The following MTA3 variants were observed in gnomAD, a reference collection of about 807,000 sequenced individuals.
The protein encoded by MTA3 is metastasis-associated protein MTA3.
In MTA3, 34 loss-of-function variants were observed where a neutral mutation model predicts 83.5. That is an observed-to-expected ratio of 0.41 (90% CI 0.31 to 0.54). The LOEUF (loss-of-function observed/expected upper bound fraction) is 0.54, where lower values mean the gene tolerates loss of function less well. Among genes scored for constraint, MTA3 ranks in the 20% least tolerant of loss-of-function variants. MTA3 has a pLI of 0.33. For missense variants in MTA3, 761 were observed against 726.4 expected (o/e 1.05, Z -0.55); for synonymous variants, 303 against 252.7 (o/e 1.20, Z -1.89).
intron 16 of MTA3, among the ~76,000 whole-genome samples, chr2:42,748,197 GTGTT>G (rs201884635): frequency 0.02 from 2,812 of 138,314 alleles, 95 homozygotes; most frequent in African/African-American, 0.077. Context: ...TCCAGCTAAT[GTGTT>G]TGTGTGTGTG....
chr2:42,655,808 G>A (rs1296910017), intron 6 of MTA3, among the ~76,000 whole-genome samples: 1 of 152,118 alleles, frequency 6.6e-6, no homozygotes. Context: ...TCTCCATATT[G>A]ACCAGGCTTG....
chr2:42,674,162 C>A (rs1369312604), intron 8 of MTA3, among the ~76,000 whole-genome samples: 1 of 152,220 alleles, frequency 6.6e-6, no homozygotes, highest in Admixed American at 6.5e-5. Flanking sequence ...CTTGTCAAGG[C>A]TCAGTTATGT....
chr2:42,718,427 G>A (rs1301254383), intron 14 of MTA3, among the ~76,000 whole-genome samples: 1 of 151,024 alleles, frequency 6.6e-6, no homozygotes, highest in Non-Finnish European at 1.5e-5. Flanking sequence ...TTGTGTTTTA[G>A]TAGAGATGGG....
At chr2:42,591,976 T>G (rs115350856) in intron 3 of MTA3, among the ~76,000 whole-genome samples, 4,402 of 151,866 alleles carry the variant, frequency 0.029, 88 homozygotes, top group Non-Finnish European at 0.044. Context: ...TAAGAAAAAT[T>G]CATTTGGCCA....
intron 2 of MTA3, among the ~76,000 whole-genome samples, chr2:42,518,298 G>C (rs1675250621): frequency 6.6e-6 from 1 of 152,134 alleles, no homozygotes; most frequent in African/African-American, 2.4e-5. Context: ...AATAAACTAA[G>C]TCTAGGACTA....
chr2:42,673,560 C>T (rs751526971), intron 8 of MTA3, among the ~76,000 whole-genome samples: 9 of 152,136 alleles, frequency 5.9e-5, no homozygotes, highest in South Asian at 4.1e-4. Context: ...CTGCATTTTA[C>T]AGGTTGGGTT....
At chr2:42,557,749 G>A (rs73930434) in intron 2 of MTA3, among the ~76,000 whole-genome samples, 79 of 152,242 alleles carry the variant, frequency 5.2e-4, no homozygotes, top group African/African-American at 1.8e-3. Context: ...AATCAAGAGT[G>A]CAAATAAACT....
At position 42,695,841 on chromosome 2, in the gene MTA3, TA is replaced by T. The variant is rs768581526; in HGVS notation, c.966+4del. On this transcript the variant is annotated splice_donor_region_variant and intron_variant, in intron 10 of 16. Coordinates refer to ENST00000405094, the MANE Select transcript of MTA3 (RefSeq NM_001330442.2). ...ACTACTGACAGATATGTGCAACAGG[TA>T]ATTTTTTTCATATTGCTACCAATAT... 115 of 1,557,096 alleles carry T rather than the reference TA, an allele frequency of 7.4e-5. No homozygotes were observed. Among genetic ancestry groups the T allele is most frequent in the Non-Finnish European group, 1.0e-4 (115 of 1,145,644 alleles).
chr2:42,597,375 C>CT (rs35943826), intron 3 of MTA3, among the ~76,000 whole-genome samples: 148 of 108,422 alleles, frequency 1.4e-3, no homozygotes, highest in Middle Eastern at 0.011. Flanking sequence ...GACAAGTTAT[C>CT]TTTTTTTTTT....
intron 2 of MTA3, among the ~76,000 whole-genome samples, chr2:42,543,647 ATTT>A (rs57792480): frequency 7.8e-5 from 9 of 115,092 alleles, no homozygotes; most frequent in Non-Finnish European, 8.8e-5. Context: ...GAGGTTACTG[ATTT>A]TTTTTTTTTT....
intron 2 of MTA3, among the ~76,000 whole-genome samples, chr2:42,538,710 A>T (rs1235971293): frequency 8.7e-6 from 1 of 115,216 alleles, no homozygotes; most frequent in South Asian, 2.5e-4. Context: ...GACTCTTTCT[A>T]AAAAAAAAAA....
intron 14 of MTA3, among the ~76,000 whole-genome samples, chr2:42,717,852 G>T (rs1021612043): frequency 6.6e-6 from 1 of 152,200 alleles, no homozygotes; most frequent in Non-Finnish European, 1.5e-5. Flanking sequence ...CAGAGATGGC[G>T]AAGTTTGTTG....
Position 42,754,107 on chromosome 2 carries a change from T to G in MTA3, c.*708T>G. The G allele has an allele frequency of 1.0e-6, 1 of 985,476 alleles. No homozygotes were observed. Among genetic ancestry groups the G allele is most frequent in the Non-Finnish European group, 1.2e-6 (1 of 829,972 alleles). 61.0% of individuals were successfully genotyped at this position (985,476 alleles called of 1,614,324 possible). On this transcript the variant is annotated 3_prime_UTR_variant, in exon 17 of 17. Transcript: ENST00000405094. ...TTTGTGGTTGGAGAGAAACTGGTGT[T>G]CTGCCCGGCTCTGCTTGGTCACAGA... is the stretch of plus-strand genomic sequence containing the variant.
intron 2 of MTA3, among the ~76,000 whole-genome samples, chr2:42,507,635 A>G (rs553146470): frequency 1.3e-5 from 2 of 151,968 alleles, no homozygotes; most frequent in African/African-American, 4.8e-5. Context: ...TGAAAAAAAA[A>G]AAGGAAAACT....
chr2:42,653,525 G>A (rs1398071581), intron 6 of MTA3, among the ~76,000 whole-genome samples: 1 of 152,170 alleles, frequency 6.6e-6, no homozygotes, highest in Admixed American at 6.5e-5. Context: ...TATTTGGTCT[G>A]TTCAAAATGG....
intron 2 of MTA3, among the ~76,000 whole-genome samples, chr2:42,537,353 C>A (rs1676291920): frequency 6.6e-6 from 1 of 152,076 alleles, no homozygotes; most frequent in Admixed American, 6.6e-5. Context: ...CACCTGAGGT[C>A]AGGGGTTCGA....
chr2:42,608,179 G>C (rs1015361129), intron 3 of MTA3, among the ~76,000 whole-genome samples: 4 of 152,076 alleles, frequency 2.6e-5, no homozygotes. Flanking sequence ...AGCTCTGTAG[G>C]GTATGCATTA....
At chr2:42,691,394 A>G (rs1692887791) in intron 9 of MTA3, among the ~76,000 whole-genome samples, 2 of 152,126 alleles carry the variant, frequency 1.3e-5, no homozygotes, top group Admixed American at 6.5e-5. Context: ...ATCCCCCCCT[A>G]AAACTTAATA....
At chr2:42,561,677 C>G (rs1353533907) in intron 2 of MTA3, among the ~76,000 whole-genome samples, 1 of 121,704 alleles carries the variant, frequency 8.2e-6, no homozygotes, top group African/African-American at 3.5e-5. Flanking sequence ...GGAGGAGAGA[C>G]AAACCAAGGT....
Sources: allele counts gnomAD v4.1 joint callset (sites outside exome capture counted in the v4.1 genomes callset), GRCh38; gene constraint gnomAD v4.1.1; transcripts MANE v1.5; gene names NCBI Gene and HGNC (gene_info 2026-07-23, HGNC 2026-07-21).